Variants in RBFOX3 observed in about 807,000 individuals in gnomAD.
RBFOX3 encodes the protein RNA binding fox-1 homolog 3.
In RBFOX3, 17 loss-of-function variants were observed where a neutral mutation model predicts 48.7. The observed-to-expected ratio is 0.35, with a 90% CI of 0.24 to 0.52. The LOEUF (loss-of-function observed/expected upper bound fraction) is 0.52. RBFOX3 is among the 20% of genes least tolerant of loss of function. The pLI, the probability that RBFOX3 is intolerant of heterozygous loss-of-function variation, is 0.94. For missense variants in RBFOX3, 382 were observed against 497.5 expected (o/e 0.77, Z 2.21); for synonymous variants, 212 against 209.5 (o/e 1.01, Z -0.10).
Position 79,362,821 on chromosome 17 carries a change from C to T in RBFOX3, c.-174-54997G>A, listed in dbSNP as rs1445833952. Among the ~76,000 whole-genome samples the T allele has an allele frequency of 2.0e-5, 3 of 152,260 alleles. No homozygotes were observed. Among genetic ancestry groups the T allele is most frequent in the East Asian group, 1.9e-4 (1 of 5,170 alleles). ...CCACAGCTATGAGAGAGGGGTAAAG[C>T]GGGAACATCAGACAACCCTGAACGC... is the stretch of plus-strand genomic sequence containing the variant. On this transcript the variant is annotated intron_variant, in intron 2 of 14. Coordinates refer to ENST00000693108, the MANE Select transcript of RBFOX3 (RefSeq NM_001350451.2). The surrounding 1 kb of genome is among the most constrained non-coding windows in gnomAD (Gnocchi z 4.2).
intron 2 of RBFOX3, among the ~76,000 whole-genome samples, chr17:79,436,628 A>T (rs1352354619): frequency 6.6e-6 from 1 of 152,148 alleles, no homozygotes; most frequent in African/African-American, 2.4e-5. Context: ...GCCTGGAGGG[A>T]CCAGATGATT....
intron 4 of RBFOX3, among the ~76,000 whole-genome samples, chr17:79,150,011 G>C (rs1401057225): frequency 1.0e-4 from 10 of 95,990 alleles, no homozygotes; most frequent in African/African-American, 4.4e-4. Context: ...GTGGGGGATG[G>C]GGATGGGGGT....
chr17:79,150,977 G>A (rs1438996725), intron 4 of RBFOX3, among the ~76,000 whole-genome samples: 1 of 152,212 alleles, frequency 6.6e-6, no homozygotes, highest in Non-Finnish European at 1.5e-5. Context: ...GGCAGTGCTG[G>A]TGGCCGCCCC....
intron 3 of RBFOX3, among the ~76,000 whole-genome samples, chr17:79,245,796 T>G (rs1349512930): frequency 2.6e-5 from 4 of 151,964 alleles, no homozygotes; most frequent in Non-Finnish European, 5.9e-5. Context: ...ACTGGCTAAT[T>G]TTTGTATTTT....
At chr17:79,287,334 C>G (rs2072177040) in intron 3 of RBFOX3, among the ~76,000 whole-genome samples, 1 of 152,172 alleles carries the variant, frequency 6.6e-6, no homozygotes, top group Non-Finnish European at 1.5e-5. Flanking sequence ...CACAGGGGGC[C>G]CTGGGTGCAG....
the RBFOX3 span, among the ~76,000 whole-genome samples, chr17:79,617,454 C>T: frequency 6.6e-6 from 1 of 152,244 alleles, no homozygotes; most frequent in South Asian, 2.1e-4. Flanking sequence ...TCTCGGGTCA[C>T]CAGGGAAGGC....
chr17:79,490,922 TAG>T (rs2080401798), intron 1 of RBFOX3, among the ~76,000 whole-genome samples: 1 of 148,474 alleles, frequency 6.7e-6, no homozygotes, highest in Admixed American at 6.7e-5. Flanking sequence ...GAAGAGCCAA[TAG>T]AGAGACATGG....
At chr17:79,119,799 C>T (rs1030063440) in intron 4 of RBFOX3, among the ~76,000 whole-genome samples, 5 of 152,276 alleles carry the variant, frequency 3.3e-5, no homozygotes, top group Admixed American at 2.0e-4. Context: ...GTCCTGCAAG[C>T]GGCTCTCAGA....
At chr17:79,141,779 C>T (rs1376922946) in intron 4 of RBFOX3, among the ~76,000 whole-genome samples, 1 of 152,140 alleles carries the variant, frequency 6.6e-6, no homozygotes, top group Non-Finnish European at 1.5e-5. Context: ...GCTGTTAACA[C>T]AGGTGAGCGG....
In RBFOX3 at chr17:79,297,474, G is replaced by T. The variant is rs201396385; in HGVS notation, c.-74+10250C>A. ...ACATGGCTTCCTCGGGCCATCCCCC[G>T]GTACCACTGAGACCCCTTCCAATCA... On this transcript the variant is annotated intron_variant, in intron 3 of 14. Coordinates refer to ENST00000693108, the MANE Select transcript of RBFOX3 (RefSeq NM_001350451.2). 1.2e-4 allele frequency among the ~76,000 whole-genome samples: 4 copies of T among 32,826 alleles called. No homozygotes were observed. In the South Asian group the frequency reaches 3.0e-3, roughly 25 times the overall value. 21.5% of individuals were successfully genotyped at this position (32,826 alleles called of 152,430 possible). A position where few individuals can be genotyped will look rare whatever the true frequency, so the allele number is the denominator to read the frequency against.
At chr17:79,355,743 G>C (rs957000361) in intron 2 of RBFOX3, among the ~76,000 whole-genome samples, 1 of 152,054 alleles carries the variant, frequency 6.6e-6, no homozygotes, top group Non-Finnish European at 1.5e-5. Flanking sequence ...ATCATGCTCA[G>C]CTAATGTTTT....
intron 14 of RBFOX3, chr17:79,094,233 G>A (rs1033198181): frequency 1.3e-5 from 6 of 473,242 alleles, no homozygotes; most frequent in Middle Eastern, 1.0e-3. Context: ...CAGATGGTAC[G>A]GTGGGCTGAC....
rs964587749 is a variant in RBFOX3, at chr17:79,299,296, T to G, written c.-74+8428A>C. Reference sequence around the variant, plus strand: ...GGGGCTGAGTTTTGTCCCCTCAAAATTCCTGTGTTGAAGTCCTAACCACTG... The same window carrying G: ...GGGGCTGAGTTTTGTCCCCTCAAAAGTCCTGTGTTGAAGTCCTAACCACTG... On this transcript the variant is annotated intron_variant, in intron 3 of 14. Coordinates refer to ENST00000693108, the MANE Select transcript of RBFOX3 (RefSeq NM_001350451.2). The surrounding 1 kb of genome is among the most constrained non-coding windows in gnomAD (Gnocchi z 4.5). Among the ~76,000 whole-genome samples, 1 of 152,044 alleles carries G rather than the reference T, an allele frequency of 6.6e-6. No individual in the cohort carries two copies. Among genetic ancestry groups the G allele is most frequent in the African/African-American group, 2.4e-5 (1 of 41,388 alleles).
rs1008089087 is a variant in RBFOX3, at chr17:79,341,507, A to G, written c.-174-33683T>C. 9.2e-5 allele frequency among the ~76,000 whole-genome samples: 14 copies of G among 152,316 alleles called. No homozygotes were observed. In the East Asian group the frequency reaches 2.7e-3, roughly 29 times the overall value. The stretch of plus-strand genomic sequence containing the variant: ...CTGTTGCTGGGGGTCCGGCAATTAC[A>G]GCACAGTGGCGGGTGTTGGAAGCCA... On this transcript the variant is annotated intron_variant, in intron 2 of 14. Transcript: ENST00000693108.
At chr17:79,092,086 G>GC (rs1033800642) in intron 14 of RBFOX3, 2 of 985,370 alleles carry the variant, frequency 2.0e-6, no homozygotes. Flanking sequence ...GGTGCCTGGA[G>GC]CCCCTCCCTC....
rs2149047973 is a variant in RBFOX3 at position 79,443,424 on chromosome 17, C to T, written c.-175+39030G>A. ...TTTGAGACAGTCTTGCTCTGTCGCCCAGGCTGGAGTGCAGTGGCTCGATCT... is the reference window on the plus strand; with the variant it reads ...TTTGAGACAGTCTTGCTCTGTCGCCTAGGCTGGAGTGCAGTGGCTCGATCT... On this transcript the variant is annotated intron_variant, in intron 2 of 14. Transcript: ENST00000693108. This position sits in a 1 kb window ranked among gnomAD's most constrained non-coding sequence, Gnocchi z 4.4. Among the ~76,000 whole-genome samples the T allele has an allele frequency of 6.6e-6, 1 of 152,272 alleles. No individual in the cohort carries two copies. Among genetic ancestry groups the T allele is most frequent in the Middle Eastern group, 3.4e-3 (1 of 294 alleles).
the RBFOX3 span, among the ~76,000 whole-genome samples, chr17:79,623,896 C>A: frequency 6.7e-6 from 1 of 149,998 alleles, no homozygotes; most frequent in Non-Finnish European, 1.5e-5. Context: ...GGAGGTGGGT[C>A]GGAGAGAGCT....
the RBFOX3 span, among the ~76,000 whole-genome samples, chr17:79,652,604 A>G: frequency 6.0e-3 from 96 of 16,048 alleles, no homozygotes; most frequent in Middle Eastern, 0.038. Flanking sequence ...GAGGAGAGGA[A>G]AGGAAAGGAA....
At chr17:79,256,334 T>TA (rs921620246) in intron 3 of RBFOX3, among the ~76,000 whole-genome samples, 5 of 151,202 alleles carry the variant, frequency 3.3e-5, no homozygotes, top group African/African-American at 4.9e-5. Context: ...ATATTAAAAT[T>TA]AAAAAAAAAT....
Sources: gnomAD v4.1 joint callset for allele counts (sites outside exome capture counted in the v4.1 genomes callset) on GRCh38, gnomAD v4.1.1 for gene constraint, Gnocchi (gnomAD v3.1) non-coding constraint, MANE v1.5 for transcripts, NCBI Gene and HGNC (gene_info 2026-07-23, HGNC 2026-07-21) for gene names.